The following KCTD16 variants were observed in gnomAD, a reference collection of about 807,000 sequenced individuals.
KCTD16 encodes BTB/POZ domain-containing protein KCTD16.
Under a neutral mutation model 33.2 loss-of-function variants are expected in KCTD16, and 13 were observed. The observed-to-expected ratio is 0.39, with a 90% CI of 0.25 to 0.62. The LOEUF (loss-of-function observed/expected upper bound fraction) is 0.62, where lower values mean the gene tolerates loss of function less well. Among genes scored for constraint, KCTD16 ranks in the 20% least tolerant of loss-of-function variants. The pLI is 0.50. For missense variants in KCTD16, 441 were observed against 525.1 expected (o/e 0.84, Z 1.57); for synonymous variants, 197 against 195.3 (o/e 1.01, Z -0.07).
chr5:144,181,241 A>T (rs571328148), intron 2 of KCTD16, among the ~76,000 whole-genome samples: 2 of 152,288 alleles, frequency 1.3e-5, no homozygotes, highest in African/African-American at 4.8e-5. Flanking sequence ...CCTATACTGC[A>T]ACTTTTTATG....
intron 3 of KCTD16, among the ~76,000 whole-genome samples, chr5:144,290,120 A>AT (rs1304220175): frequency 6.6e-6 from 1 of 151,960 alleles, no homozygotes; most frequent in Non-Finnish European, 1.5e-5. Flanking sequence ...GTCTCTAAAA[A>AT]ATATATATAT....
chr5:144,437,961 A>G (rs1753616395), intron 3 of KCTD16, among the ~76,000 whole-genome samples: 1 of 152,184 alleles, frequency 6.6e-6, no homozygotes, highest in Non-Finnish European at 1.5e-5. Flanking sequence ...AGATGTTTTA[A>G]GTTTAAACTG....
At chr5:144,201,278 C>A (rs114493944) in intron 2 of KCTD16, among the ~76,000 whole-genome samples, 2 of 152,144 alleles carry the variant, frequency 1.3e-5, no homozygotes, top group African/African-American at 4.8e-5. Context: ...TTAACCACTG[C>A]GATACTGATT....
At chr5:144,298,885 A>G (rs960729861) in intron 3 of KCTD16, among the ~76,000 whole-genome samples, 11 of 150,424 alleles carry the variant, frequency 7.3e-5, no homozygotes, top group Non-Finnish European at 8.9e-5. Flanking sequence ...TTTCAGATGC[A>G]GCGCTTTATT....
chr5:144,206,894 C>A lies in KCTD16; in HGVS notation c.180C>A (p.Asp60Glu). The change falls in exon 3 of 4, where the codon GAC becomes GAA. Residue 60 changes from aspartate (D) to glutamate (E), a missense_variant. This residue lies in a region of KCTD16 where 80 missense variants were observed against 88.5 expected (regional missense o/e 0.90). Coordinates refer to ENST00000512467, the MANE Select transcript of KCTD16 (RefSeq NM_020768.4). The part of the protein sequence containing the change: ...LLWKMFSPKR[D>E]TANDLAKDSK... The stretch of plus-strand genomic sequence containing the variant: ...GGAAAATGTTTTCCCCAAAGAGAGA[C>A]ACGGCTAATGATCTAGCCAAGGACT... 6.2e-7 allele frequency: 1 copy of A among 1,614,176 alleles called. No homozygotes were observed. Among genetic ancestry groups the A allele is most frequent in the South Asian group, 1.1e-5 (1 of 91,080 alleles).
intron 3 of KCTD16, among the ~76,000 whole-genome samples, chr5:144,346,253 C>G (rs567213439): frequency 6.6e-6 from 1 of 152,202 alleles, no homozygotes; most frequent in East Asian, 1.9e-4. Context: ...TATCCATTCA[C>G]CTGTTGATGG....
intron 3 of KCTD16, among the ~76,000 whole-genome samples, chr5:144,309,625 C>G (rs1434839315): frequency 2.0e-5 from 3 of 152,084 alleles, no homozygotes; most frequent in African/African-American, 7.2e-5. Context: ...CCTTGGAGTT[C>G]TGGATACAGA....
chr5:144,350,771 C>CTT (rs561403198), intron 3 of KCTD16, among the ~76,000 whole-genome samples: 1 of 144,970 alleles, frequency 6.9e-6, no homozygotes, highest in Non-Finnish European at 1.5e-5. Flanking sequence ...TTGGTGGTTT[C>CTT]TTTTTTTTTT....
At chr5:144,392,165 C>T (rs1008017501) in intron 3 of KCTD16, among the ~76,000 whole-genome samples, 2 of 152,040 alleles carry the variant, frequency 1.3e-5, no homozygotes, top group Non-Finnish European at 2.9e-5. Flanking sequence ...AACAGAAAGT[C>T]GTGAAATGAG....
Position 144,407,608 on chromosome 5 carries a change from C to T in KCTD16, c.833-66052C>T, listed in dbSNP as rs576806523. 5.3e-5 allele frequency among the ~76,000 whole-genome samples: 8 copies of T among 151,978 alleles called. No homozygotes were observed. In the South Asian group the frequency reaches 1.0e-3, roughly 20 times the overall value. ...GTTTGTTACATAGGTATACATGTGCCGTGGTAGTTTGCTGCACCCATCAAC... is the reference window on the plus strand; with the variant it reads ...GTTTGTTACATAGGTATACATGTGCTGTGGTAGTTTGCTGCACCCATCAAC... On this transcript the variant is annotated intron_variant, in intron 3 of 3. Transcript: ENST00000512467.
chr5:144,437,263 A>G (rs1226103376), intron 3 of KCTD16, among the ~76,000 whole-genome samples: 1 of 152,144 alleles, frequency 6.6e-6, no homozygotes, highest in Non-Finnish European at 1.5e-5. Context: ...TTAAGTACCC[A>G]AGCTGCCAGA....
chr5:144,389,664 G>A (rs1357182612), intron 3 of KCTD16, among the ~76,000 whole-genome samples: 2 of 27,586 alleles, frequency 7.3e-5, no homozygotes, highest in East Asian at 2.6e-3. Flanking sequence ...TCCCCACCTG[G>A]CCCAATCTGT....
chr5:144,256,244 C>T (rs138249272), intron 3 of KCTD16, among the ~76,000 whole-genome samples: 37 of 152,250 alleles, frequency 2.4e-4, no homozygotes, highest in South Asian at 2.1e-3. Flanking sequence ...AAAGGTGCAA[C>T]GATGATTCTT....
At chr5:144,421,263 C>T (rs141598765) in intron 3 of KCTD16, among the ~76,000 whole-genome samples, 4 of 152,184 alleles carry the variant, frequency 2.6e-5, no homozygotes, top group Admixed American at 6.5e-5. Context: ...AATCTCAAAG[C>T]GAAATCAAAT....
chr5:144,302,724 C>T (rs145727520), intron 3 of KCTD16, among the ~76,000 whole-genome samples: 126 of 152,318 alleles, frequency 8.3e-4, no homozygotes, highest in African/African-American at 2.6e-3. Context: ...TGACATTCAA[C>T]ATCCTTGGAA....
chr5:144,405,351 A>T (rs1168682179), intron 3 of KCTD16, among the ~76,000 whole-genome samples: 1 of 152,222 alleles, frequency 6.6e-6, no homozygotes, highest in African/African-American at 2.4e-5. Flanking sequence ...GATTGAATTC[A>T]GGCCAATGAG....
At chr5:144,385,481 G>A (rs1466507901) in intron 3 of KCTD16, among the ~76,000 whole-genome samples, 2 of 152,040 alleles carry the variant, frequency 1.3e-5, no homozygotes, top group Admixed American at 6.6e-5. Flanking sequence ...ATTGACAGTG[G>A]GTGGAAGGGA....
intron 3 of KCTD16, among the ~76,000 whole-genome samples, chr5:144,305,489 G>T (rs571201314): frequency 6.6e-6 from 1 of 152,248 alleles, no homozygotes; most frequent in Non-Finnish European, 1.5e-5. Context: ...AACCAGAGAG[G>T]CATATGCACT....
chr5:144,418,685 C>A (rs1753141313), intron 3 of KCTD16, among the ~76,000 whole-genome samples: 1 of 152,146 alleles, frequency 6.6e-6, no homozygotes, highest in Admixed American at 6.5e-5. Context: ...CTGGCAGAAA[C>A]ACAGGGAACC....
Sources: gnomAD v4.1 joint callset for allele counts (sites outside exome capture counted in the v4.1 genomes callset) on GRCh38, gnomAD v4.1.1 for gene constraint, gnomAD v4.1.1 regional missense constraint, MANE v1.5 for transcripts, NCBI Gene and HGNC (gene_info 2026-07-23, HGNC 2026-07-21) for gene names.